Variants in TRAPPC10 observed in about 807,000 individuals in gnomAD.
The protein encoded by TRAPPC10 is TRAPP 130 kDa subunit.
Under a neutral mutation model 125.5 loss-of-function variants are expected in TRAPPC10, and 23 were observed. That is an observed-to-expected ratio of 0.18 (90% confidence interval 0.13 to 0.26). The LOEUF (loss-of-function observed/expected upper bound fraction) is 0.26, where lower values mean the gene tolerates loss of function less well. Ranked by LOEUF, TRAPPC10 falls within the 10% of genes least tolerant of loss-of-function variation. TRAPPC10 has a pLI of 1.00. For synonymous variants in TRAPPC10, 509 were observed against 518.0 expected, an observed-to-expected ratio of 0.98 and a Z score of 0.24; for missense variants, 1,123 against 1,308.4, an observed-to-expected ratio of 0.86 and a Z score of 2.19.
At chr21:44,056,625 A>G (rs1394973206) in intron 5 of TRAPPC10, among the ~76,000 whole-genome samples, 1 of 152,220 alleles carries the variant, frequency 6.6e-6, no homozygotes, top group Non-Finnish European at 1.5e-5. Flanking sequence ...GCAGTCACGG[A>G]ACATATCAAA....
chr21:44,044,987 A>G (rs868658791), intron 3 of TRAPPC10, among the ~76,000 whole-genome samples: 2 of 149,070 alleles, frequency 1.3e-5, no homozygotes, highest in Middle Eastern at 3.7e-3. Context: ...TTCCATTTCC[A>G]TTGCTGCCTG....
At chr21:44,041,483 T>C (rs552145467) in intron 3 of TRAPPC10, among the ~76,000 whole-genome samples, 1 of 152,048 alleles carries the variant, frequency 6.6e-6, no homozygotes, top group Non-Finnish European at 1.5e-5. Flanking sequence ...TTCAAGTGGT[T>C]CTCCTGCCTC....
rs759992126 is a variant in TRAPPC10, at chr21:44,087,717, C to T, written c.2558C>T (p.Ala853Val). 1.3e-5 allele frequency: 21 copies of T among 1,613,734 alleles called. No homozygotes were observed. Among genetic ancestry groups the T allele is most frequent in the East Asian group, 6.7e-5 (3 of 44,898 alleles). ...SNTREQSSEA[A>V]LRIQSSDKVT... is the part of the protein sequence containing the mutation. ...TTCGTAGAACAGTCTTCTGAGGCCG[C>T]GCTCCGGATTCAGTCCTCCGACAAG... is the stretch of plus-strand genomic sequence containing the variant. Residue 853 changes from alanine to valine, a missense_variant, in exon 17 of 23, where the codon GCG becomes GTG. This residue lies in a region of TRAPPC10 where 840 missense variants were observed against 902.0 expected (regional missense o/e 0.93). Transcript: ENST00000291574. The surrounding 1 kb of genome is among the most constrained non-coding windows in gnomAD (Gnocchi z 4.6).
At chr21:44,062,546 G>A (rs2036137355) in intron 6 of TRAPPC10, 1 of 985,412 alleles carries the variant, frequency 1.0e-6, no homozygotes, top group Admixed American at 6.1e-5. Context: ...CCTGTGGGAG[G>A]GGAGCCTAGC....
chr21:44,045,726 T>G (rs1366163686), intron 3 of TRAPPC10, among the ~76,000 whole-genome samples: 2 of 152,084 alleles, frequency 1.3e-5, no homozygotes, highest in Non-Finnish European at 2.9e-5. Flanking sequence ...TAATTTTTTT[T>G]GTATTTTTAG....
intron 8 of TRAPPC10, among the ~76,000 whole-genome samples, 191 bp from the exon 9 acceptor site, chr21:44,074,848 G>T (rs1442132101): frequency 1.3e-5 from 2 of 152,246 alleles, no homozygotes; most frequent in Non-Finnish European, 2.9e-5. Flanking sequence ...AGAAGCGGAG[G>T]ATTCCCACCC....
At chr21:44,060,315 G>A (rs1429144804) in intron 6 of TRAPPC10, 1 of 107,254 alleles carries the variant, frequency 9.3e-6, no homozygotes, top group Non-Finnish European at 1.8e-5. Flanking sequence ...TTGCACTGTT[G>A]CCCAGGCTGG....
chr21:44,053,346 G>A (rs1032510771), intron 4 of TRAPPC10, among the ~76,000 whole-genome samples: 2 of 152,118 alleles, frequency 1.3e-5, no homozygotes, highest in Non-Finnish European at 2.9e-5. Context: ...AACGTTATGT[G>A]TTGTTTATAC....
intron 1 of TRAPPC10, among the ~76,000 whole-genome samples, chr21:44,024,927 A>T (rs2032904652): frequency 6.6e-6 from 1 of 152,144 alleles, no homozygotes; most frequent in South Asian, 2.1e-4. Flanking sequence ...TTCTTAGCTT[A>T]GACATTGCCA....
intron 1 of TRAPPC10, among the ~76,000 whole-genome samples, chr21:44,019,251 T>C (rs2032224835): frequency 6.6e-6 from 1 of 152,192 alleles, no homozygotes; most frequent in African/African-American, 2.4e-5. Context: ...GGTTTCGCCA[T>C]GTTGCCCAGG....
chr21:44,047,105 A>T (rs2034881451), intron 3 of TRAPPC10: 3 of 614,922 alleles, frequency 4.9e-6, no homozygotes, highest in South Asian at 4.7e-5. Flanking sequence ...CCATGGCGAG[A>T]TCCCACCACC....
At chr21:44,041,595 CT>C (rs2034426135) in intron 3 of TRAPPC10, among the ~76,000 whole-genome samples, 1 of 152,194 alleles carries the variant, frequency 6.6e-6, no homozygotes, top group African/African-American at 2.4e-5. Context: ...TGGTCTCAAA[CT>C]CCCGACCTCA....
At chr21:44,074,942 T>C (rs2037164066) in intron 8 of TRAPPC10, 97 bp from the exon 9 acceptor site, 2 of 928,006 alleles carry the variant, frequency 2.2e-6, no homozygotes, top group Non-Finnish European at 3.3e-6. Flanking sequence ...AAATTTCTTC[T>C]AGAATTTAGC....
chr21:44,020,395 G>A (rs1367362856), intron 1 of TRAPPC10, among the ~76,000 whole-genome samples: 2 of 152,038 alleles, frequency 1.3e-5, no homozygotes, highest in Non-Finnish European at 2.9e-5. Context: ...CAAAGTGCTG[G>A]ATTACAGGCA....
At chr21:44,065,106 A>C (rs2036341723) in intron 7 of TRAPPC10, among the ~76,000 whole-genome samples, 1 of 151,988 alleles carries the variant, frequency 6.6e-6, no homozygotes, top group Non-Finnish European at 1.5e-5. Context: ...GGGAGGGGGG[A>C]AAATTGAAGT....
At chr21:44,086,015 C>T (rs1411479053) in intron 15 of TRAPPC10, among the ~76,000 whole-genome samples, 1 of 152,250 alleles carries the variant, frequency 6.6e-6, no homozygotes, top group Non-Finnish European at 1.5e-5. Context: ...TGGCCACCAG[C>T]AAAGGCTGTC....
chr21:44,033,004 A>G (rs1047918007), intron 2 of TRAPPC10, among the ~76,000 whole-genome samples: 1 of 152,250 alleles, frequency 6.6e-6, no homozygotes, highest in Admixed American at 6.5e-5. Context: ...GCTCTGTTGC[A>G]TGTTTACAGT....
intron 15 of TRAPPC10, among the ~76,000 whole-genome samples, chr21:44,084,914 G>T (rs1266486391): frequency 6.6e-6 from 1 of 152,226 alleles, no homozygotes; most frequent in East Asian, 1.9e-4. Context: ...TGGAGGGTGA[G>T]GTATGGGGAA....
At chr21:44,081,674 G>C (rs1203520379) in intron 13 of TRAPPC10, among the ~76,000 whole-genome samples, 2 of 152,114 alleles carry the variant, frequency 1.3e-5, no homozygotes, top group African/African-American at 2.4e-5. Flanking sequence ...ATCACTTGAG[G>C]TCAGGAGTTT....
Sources: allele counts gnomAD v4.1 joint callset (sites outside exome capture counted in the v4.1 genomes callset), GRCh38; gene constraint gnomAD v4.1.1; regional missense constraint gnomAD v4.1.1; non-coding constraint Gnocchi (gnomAD v3.1); transcripts MANE v1.5; gene names NCBI Gene and HGNC (gene_info 2026-07-23, HGNC 2026-07-21).